The following ZNF816 variants were observed in gnomAD, a reference collection of about 807,000 sequenced individuals.
ZNF816 encodes zinc finger protein 816A.
A neutral mutation model predicts 8.3 loss-of-function variants in ZNF816; 11 were observed. The observed-to-expected ratio is 1.32, with a 90% CI of 0.83 to 2.19. The LOEUF is 2.19. Ranked by LOEUF, ZNF816 falls within the 30% of genes most tolerant of loss-of-function variation. The pLI, the probability that ZNF816 is intolerant of heterozygous loss-of-function variation, is 0.00. For missense variants in ZNF816, 710 were observed against 779.3 expected, an observed-to-expected ratio of 0.91 and a Z score of 1.06; for synonymous variants, 255 against 254.5, an observed-to-expected ratio of 1.00 and a Z score of -0.02.
chr19:52,957,017 T>A lies in ZNF816; in HGVS notation c.-15-913A>T, dbSNP rs1884695269. Among the ~76,000 whole-genome samples the A allele has an allele frequency of 6.6e-6, 1 of 152,196 alleles. No homozygotes were observed. The highest frequency in any genetic ancestry group is 2.4e-5 in the African/African-American group (1 of 41,434). On this transcript the variant is annotated intron_variant, in intron 1 of 3. Transcript: ENST00000444460. The surrounding 1 kb of genome is among the most constrained non-coding windows in gnomAD (Gnocchi z 4.6). ...AGTGTCAAGTCACATTCCCCACACTTGCTTGATCTATCATGACCCTTTCAC... is the reference window on the plus strand; with the variant it reads ...AGTGTCAAGTCACATTCCCCACACTAGCTTGATCTATCATGACCCTTTCAC...
intron 1 of ZNF816, chr19:52,960,254 G>A (rs1181432398): frequency 3.6e-6 from 1 of 274,612 alleles, no homozygotes; most frequent in Non-Finnish European, 7.2e-6. Context: ...CCCCTTTGAA[G>A]ATCTCCAGGT....
At chr19:52,960,269 T>C in intron 1 of ZNF816, 1 of 268,556 alleles carries the variant, frequency 3.7e-6, no homozygotes, top group Non-Finnish European at 7.4e-6. Flanking sequence ...CCAGGTGGAC[T>C]TCACAGAAAT....
At position 52,951,020 on chromosome 19, in the gene ZNF816, G is replaced by T; in HGVS notation, c.755C>A (p.Ser252Ter). The T allele has an allele frequency of 6.2e-7, 1 of 1,614,074 alleles. No individual in the cohort carries two copies. The highest frequency in any genetic ancestry group is 1.7e-5 in the Admixed American group (1 of 60,024). Residue 252 changes from serine to a stop codon, truncating the protein, a stop_gained, in exon 4 of 4, where the codon TCA becomes TAA. Coordinates refer to ENST00000444460, the MANE Select transcript of ZNF816 (RefSeq NM_001202457.3). LOFTEE classifies it low-confidence loss of function (END_TRUNC). ...SLLRRHHITH[S>*]REREYKCDVC... ...ATCACATTTATATTCTCTCTCTCTT[G>T]AATGGGTTATGTGGTGTCTCCTTAA...
intron 1 of ZNF816, among the ~76,000 whole-genome samples, chr19:52,962,401 T>TC (rs1344013368): frequency 6.6e-6 from 1 of 152,086 alleles, no homozygotes; most frequent in African/African-American, 2.4e-5. Context: ...CCTGTAGCCC[T>TC]CCCACTTCCA....
intron 2 of ZNF816, among the ~76,000 whole-genome samples, chr19:52,953,904 G>T (rs1394105799): frequency 6.6e-6 from 1 of 150,532 alleles, no homozygotes; most frequent in Non-Finnish European, 1.5e-5. Context: ...GCTGAGCATG[G>T]TAGGGAGGTG....
In ZNF816 at chr19:52,952,242, G is replaced by A. The variant is rs1462962908; in HGVS notation, c.190+509C>T. ...AAATCTGCCAGGTATGGAGGCATGT[G>A]CCTGTAATTCCAGTTAGGTTGAGAG... is the stretch of plus-strand genomic sequence containing the variant. On this transcript the variant is annotated intron_variant, in intron 3 of 3. Transcript: ENST00000444460. 5.3e-5 allele frequency among the ~76,000 whole-genome samples: 8 copies of A among 152,104 alleles called. No individual in the cohort carries two copies. The East Asian group carries it at 1.4e-3, about 26-fold the overall frequency.
chr19:52,950,498 T>A lies in ZNF816; in HGVS notation c.1277A>T (p.Lys426Ile). The A allele has an allele frequency of 6.2e-7, 1 of 1,613,618 alleles. No individual in the cohort carries two copies. Among genetic ancestry groups the A allele is most frequent in the Non-Finnish European group, 8.5e-7 (1 of 1,179,800 alleles). The change falls in exon 4 of 4, where the codon AAA becomes ATA. Residue 426 changes from lysine (K) to isoleucine (I), a missense_variant. Physicochemically the swap from Lys to Ile is moderately radical, Grantham distance 102. Transcript: ENST00000444460. ...GAAAACCTTGTCACAAACCTTACAT[T>A]TGTATGATCCCTCTCCAGTATGAAT... ...RKIHTGEGSY[K>I]CKVCDKVFRS...
intron 1 of ZNF816, among the ~76,000 whole-genome samples, chr19:52,961,151 T>C (rs1483751871): frequency 6.6e-6 from 1 of 152,184 alleles, no homozygotes; most frequent in Non-Finnish European, 1.5e-5. Flanking sequence ...ACAAGGTACG[T>C]AGCCCAGGAA....
chr19:52,957,786 A>T lies in ZNF816; in HGVS notation c.-15-1682T>A, dbSNP rs2122166539. Among the ~76,000 whole-genome samples, 1 of 152,344 alleles carries T rather than the reference A, an allele frequency of 6.6e-6. No homozygotes were observed. The highest frequency in any genetic ancestry group is 2.1e-4 in the South Asian group (1 of 4,828). ...CCAGTTCTTGTACATGCCTGACTTG[A>T]AAGGACTTGAAAGGACTTGCTTAGC... On this transcript the variant is annotated intron_variant, in intron 1 of 3. Transcript: ENST00000444460. The surrounding 1 kb of genome is among the most constrained non-coding windows in gnomAD (Gnocchi z 4.6).
intron 1 of ZNF816, among the ~76,000 whole-genome samples, chr19:52,956,516 TGG>T (rs1440305398): frequency 6.6e-6 from 1 of 152,220 alleles, no homozygotes; most frequent in Non-Finnish European, 1.5e-5. Context: ...TTATTGAGTG[TGG>T]GTCCCATCCT....
At position 52,951,396 on chromosome 19, in the gene ZNF816, C is replaced by G. The variant is rs190666615; in HGVS notation, c.379G>C (p.Ala127Pro). ...AACTTTTTGATTTTTGTCATGGGTGCTTCATGGCCATTTCTTTCAACTTCT... is the reference window on the plus strand; with the variant it reads ...AACTTTTTGATTTTTGTCATGGGTGGTTCATGGCCATTTCTTTCAACTTCT... The part of the protein sequence containing the change: ...WQEVERNGHE[A>P]PMTKIKKLTG... The change falls in exon 4 of 4, where the codon GCA becomes CCA. Residue 127 changes from alanine to proline, a missense_variant. By Grantham distance (27) the Ala-to-Pro change is conservative. Coordinates refer to ENST00000444460, the MANE Select transcript of ZNF816 (RefSeq NM_001202457.3). The G allele has an allele frequency of 1.1e-5, 18 of 1,614,014 alleles. No homozygotes were observed. In the African/African-American group the frequency reaches 2.4e-4, roughly 22 times the overall value.
chr19:52,950,890 A>C lies in ZNF816; in HGVS notation c.885T>G (p.Thr295=), dbSNP rs753104603. Residue 295 remains threonine, a synonymous_variant, in exon 4 of 4, where the codon ACT becomes ACG. Transcript: ENST00000444460. ...YKCNECGKTF[T]QMSSLVCHRR... is the part of the protein sequence containing the mutation. ...GATGGCATACAAGGGATGACATCTGAGTGAAGGTCTTCCCACACTCATTAC... is the reference window on the plus strand; with the variant it reads ...GATGGCATACAAGGGATGACATCTGCGTGAAGGTCTTCCCACACTCATTAC... 1.2e-6 allele frequency: 2 copies of C among 1,614,174 alleles called. No homozygotes were observed. The highest frequency in any genetic ancestry group is 1.7e-6 in the Non-Finnish European group (2 of 1,180,026).
In ZNF816 at chr19:52,951,209, G is replaced by C; in HGVS notation, c.566C>G (p.Ala189Gly). Reference sequence around the variant, plus strand: ...ACAAGAAATTCTTTGGGATTCTGAAGCTGAGGAAGCACCGATAGACTTGTC... The same window carrying C: ...ACAAGAAATTCTTTGGGATTCTGAACCTGAGGAAGCACCGATAGACTTGTC... ...QLDKSIGASSASESQRISCRL... is the reference protein window; with the variant it reads ...QLDKSIGASSGSESQRISCRL... Residue 189 changes from alanine (A) to glycine (G), a missense_variant, in exon 4 of 4, where the codon GCT (alanine) becomes GGT (glycine). Transcript: ENST00000444460. 1 of 1,567,154 alleles carries C rather than the reference G, an allele frequency of 6.4e-7. No homozygotes were observed. The highest frequency in any genetic ancestry group is 1.1e-5 in the South Asian group (1 of 89,696).
intron 1 of ZNF816, among the ~76,000 whole-genome samples, chr19:52,962,503 G>A (rs2083565781): frequency 6.6e-6 from 1 of 152,106 alleles, no homozygotes; most frequent in Admixed American, 6.5e-5. Flanking sequence ...GCGCTCCAGG[G>A]GCCGACTAGA....
Position 52,950,546 on chromosome 19 carries a change from G to A in ZNF816, c.1229C>T (p.Ser410Leu). The change falls in exon 4 of 4, where the codon TCA (serine) becomes TTA (leucine). Residue 410 changes from serine to leucine, a missense_variant. By Grantham distance (145) the Ser-to-Leu change is moderately radical. Coordinates refer to ENST00000444460, the MANE Select transcript of ZNF816 (RefSeq NM_001202457.3). ...EECDNVYIRR[S>L]HLERHRKIHT... ...AATCTTCCTATGTCTTTCAAGGTGT[G>A]ATCTGCGAATGTAAACATTGTCACA... 6.2e-7 allele frequency: 1 copy of A among 1,613,250 alleles called. No homozygotes were observed. Among genetic ancestry groups the A allele is most frequent in the South Asian group, 1.1e-5 (1 of 91,026 alleles).
rs759120983 is a variant in ZNF816 at position 52,950,080 on chromosome 19, G to A, written c.1695C>T (p.Tyr565=). The A allele has an allele frequency of 5.6e-6, 9 of 1,614,094 alleles. No homozygotes were observed. The highest frequency in any genetic ancestry group is 2.2e-5 in the South Asian group (2 of 91,072). The change falls in exon 4 of 4, where the codon TAC becomes TAT. Residue 565 remains tyrosine, a synonymous_variant. Transcript: ENST00000444460. The part of the protein sequence containing the change: ...HTRVHTGEKP[Y]KCNKCAKVFN... ...AAACCTTCGCACATTTATTACACTT[G>A]TAAGGTTTCTCTCCAGTATGAACTC...
In ZNF816 at chr19:52,950,374, G is replaced by C; in HGVS notation, c.1401C>G (p.Ser467=). 6.2e-7 allele frequency: 1 copy of C among 1,613,372 alleles called. No homozygotes were observed. Among genetic ancestry groups the C allele is most frequent in the Non-Finnish European group, 8.5e-7 (1 of 1,179,808 alleles). The change falls in exon 4 of 4, where the codon TCC becomes TCG. Residue 467 remains serine (S), a synonymous_variant. Coordinates refer to ENST00000444460, the MANE Select transcript of ZNF816 (RefSeq NM_001202457.3). The part of the protein sequence containing the change: ...KCGRSFSRKS[S]LQYHHTLHTG... Reference sequence around the variant, plus strand: ...TGTGAAGTGTATGATGGTATTGAAGGGATGACTTCCGACTGAAACTCCTGC... The same window carrying C: ...TGTGAAGTGTATGATGGTATTGAAGCGATGACTTCCGACTGAAACTCCTGC...
chr19:52,958,295 T>A (rs1260854023), intron 1 of ZNF816, among the ~76,000 whole-genome samples: 2 of 152,184 alleles, frequency 1.3e-5, no homozygotes, highest in Non-Finnish European at 2.9e-5. Context: ...CACGTTAAGG[T>A]TGCTGCCAGC....
At position 52,950,569 on chromosome 19, in the gene ZNF816, A is replaced by G; in HGVS notation, c.1206T>C (p.Cys402=). The change falls in exon 4 of 4, where the codon TGT becomes TGC. Residue 402 remains cysteine (C), a synonymous_variant. Transcript: ENST00000444460. The part of the protein sequence containing the change: ...TGEKPYKCEE[C]DNVYIRRSHL... The stretch of plus-strand genomic sequence containing the variant: ...GTGATCTGCGAATGTAAACATTGTC[A>G]CATTCTTCACATTTGTAAGGTTTCT... 1 of 1,614,128 alleles carries G rather than the reference A, an allele frequency of 6.2e-7. No individual in the cohort carries two copies. The highest frequency in any genetic ancestry group is 8.5e-7 in the Non-Finnish European group (1 of 1,180,020).
Sources: allele counts gnomAD v4.1 joint callset (sites outside exome capture counted in the v4.1 genomes callset), GRCh38; gene constraint gnomAD v4.1.1; non-coding constraint Gnocchi (gnomAD v3.1); transcripts MANE v1.5; gene names NCBI Gene and HGNC (gene_info 2026-07-23, HGNC 2026-07-21).